SLC16A2: variants seen among roughly 807,000 people sequenced by gnomAD.
SLC16A2 encodes solute carrier family 16 member 2.
In SLC16A2, 3 loss-of-function variants were observed where a neutral mutation model predicts 27.2. That is an observed-to-expected ratio of 0.11 (90% CI 0.05 to 0.28). The LOEUF (loss-of-function observed/expected upper bound fraction) is 0.28, where lower values mean the gene tolerates loss of function less well. Among genes scored for constraint, SLC16A2 ranks in the 10% least tolerant of loss-of-function variants. SLC16A2 has a pLI of 1.00. For missense variants in SLC16A2, 295 were observed against 458.5 expected (o/e 0.64, Z 3.26); for synonymous variants, 202 against 187.8 (o/e 1.08, Z -0.62).
At chrX:74,426,704 T>C (rs1928407626) in intron 1 of SLC16A2, among the ~76,000 whole-genome samples, 1 of 112,609 alleles carries the variant, frequency 8.9e-6, no homozygotes, top group Admixed American at 9.4e-5. Context: ...AGCCCTACCA[T>C]TCTATCCTTC....
At chrX:74,529,020 G>GGACTTTGAATCCCTCAGTGCAA (rs1930526040) in intron 4 of SLC16A2, among the ~76,000 whole-genome samples, 193 bp from the exon 5 acceptor site, 1 of 111,845 alleles carries the variant, frequency 8.9e-6, no homozygotes, top group Non-Finnish European at 1.9e-5. Flanking sequence ...GGGCTTTCTT[G>GGACTTTGAATCCCTCAGTGCAA]GACTTTGAAT....
chrX:74,515,764 A>C (rs756780373), intron 1 of SLC16A2, among the ~76,000 whole-genome samples: 4 of 112,161 alleles, frequency 3.6e-5, no homozygotes, highest in Non-Finnish European at 7.5e-5. Flanking sequence ...TGGAGGGCAA[A>C]GTGCTGAAAT....
intron 1 of SLC16A2, among the ~76,000 whole-genome samples, chrX:74,454,116 T>G (rs1928995542): frequency 9.0e-6 from 1 of 111,510 alleles, no homozygotes; most frequent in African/African-American, 3.3e-5. Context: ...GAGACATAAT[T>G]CTACCACTGG....
At chrX:74,518,977 T>C (rs1370034378) in intron 1 of SLC16A2, among the ~76,000 whole-genome samples, 1 of 111,986 alleles carries the variant, frequency 8.9e-6, no homozygotes, top group African/African-American at 3.2e-5. Flanking sequence ...AATCTTTTCT[T>C]TTATGGATCA....
intron 1 of SLC16A2, among the ~76,000 whole-genome samples, chrX:74,451,740 T>G (rs1287395661): frequency 8.8e-6 from 1 of 113,133 alleles, no homozygotes; most frequent in Non-Finnish European, 1.9e-5. Context: ...TGTGCCTATT[T>G]GCATTGAAAT....
At chrX:74,433,126 C>CT (rs758027998) in intron 1 of SLC16A2, among the ~76,000 whole-genome samples, 3 of 111,782 alleles carry the variant, frequency 2.7e-5, no homozygotes, top group Non-Finnish European at 3.8e-5. Context: ...AATCCCAGCA[C>CT]TTTGAGAGGC....
At chrX:74,492,677 G>A (rs148684082) in intron 1 of SLC16A2, among the ~76,000 whole-genome samples, 1,151 of 111,097 alleles carry the variant, frequency 0.01, 15 homozygotes, top group African/African-American at 0.035. Context: ...GCTCTAATCA[G>A]CATCTTAATT....
chrX:74,469,586 A>G (rs1929314502), intron 1 of SLC16A2, among the ~76,000 whole-genome samples: 1 of 111,283 alleles, frequency 9.0e-6, no homozygotes, highest in Non-Finnish European at 1.9e-5. Context: ...GATATTAGGT[A>G]TCTTTTCATG....
chrX:74,521,678 C>CA (rs1298356397), intron 2 of SLC16A2, among the ~76,000 whole-genome samples: 1 of 112,167 alleles, frequency 8.9e-6, no homozygotes, highest in Non-Finnish European at 1.9e-5. Context: ...CAACTGAGCC[C>CA]AAGGATGTTT....
At chrX:74,481,023 G>A (rs182809613) in intron 1 of SLC16A2, among the ~76,000 whole-genome samples, 39 of 112,487 alleles carry the variant, frequency 3.5e-4, no homozygotes, top group African/African-American at 8.4e-4. Context: ...TTGAGATAGC[G>A]TATTACATTG....
In SLC16A2 at chrX:74,533,820, A is replaced by G. The variant is rs1289311207; in HGVS notation, c.*2267A>G. 8.9e-6 allele frequency: 1 copy of G among 112,850 alleles called. No homozygotes were observed. The highest frequency in any genetic ancestry group is 3.2e-5 in the African/African-American group (1 of 30,976). The allele number at this position is 112,850 out of a possible 1,213,427, so 9.3% of individuals were successfully genotyped here. ...AGTAGGATGCAGCCTCTTATGCACC[A>G]CAGTTAAATCTAGAACGAACAAAAT... On this transcript the variant is annotated 3_prime_UTR_variant, in exon 6 of 6. Transcript: ENST00000587091.
At chrX:74,486,312 T>C (rs1008499192) in intron 1 of SLC16A2, among the ~76,000 whole-genome samples, 3 of 112,128 alleles carry the variant, frequency 2.7e-5, no homozygotes, top group African/African-American at 6.5e-5. Flanking sequence ...TTTTCTTTAA[T>C]TCTATAGGAA....
At chrX:74,485,916 AAGCTC>A (rs1929709800) in intron 1 of SLC16A2, among the ~76,000 whole-genome samples, 1 of 110,633 alleles carries the variant, frequency 9.0e-6, no homozygotes, top group East Asian at 2.8e-4. Flanking sequence ...CAGCGAGTGA[AAGCTC>A]AGCTCGAGCC....
chrX:74,444,456 A>G (rs1928805376), intron 1 of SLC16A2, among the ~76,000 whole-genome samples: 1 of 110,641 alleles, frequency 9.0e-6, no homozygotes, highest in African/African-American at 3.3e-5. Flanking sequence ...TACCCTTGTT[A>G]TTTGTTACAG....
At chrX:74,427,526 C>A (rs925568353) in intron 1 of SLC16A2, among the ~76,000 whole-genome samples, 6 of 112,067 alleles carry the variant, frequency 5.4e-5, no homozygotes, top group Non-Finnish European at 1.1e-4. Flanking sequence ...AGCAGCTGGA[C>A]TGTCAACATT....
At chrX:74,466,640 A>G (rs904764012) in intron 1 of SLC16A2, among the ~76,000 whole-genome samples, 2 of 111,486 alleles carry the variant, frequency 1.8e-5, no homozygotes, top group African/African-American at 6.5e-5. Context: ...AACATTTTCG[A>G]TCTGCTGTTG....
At chrX:74,467,346 A>G in intron 1 of SLC16A2, among the ~76,000 whole-genome samples, 3 of 111,683 alleles carry the variant, frequency 2.7e-5, no homozygotes, top group African/African-American at 9.8e-5. Flanking sequence ...GGGGGCTTCT[A>G]AAACAAAGAG....
intron 1 of SLC16A2, among the ~76,000 whole-genome samples, chrX:74,439,477 A>ATT (rs58357634): frequency 0.013 from 1,014 of 78,525 alleles, 36 homozygotes; most frequent in African/African-American, 0.035. Flanking sequence ...GGCCCGGCTA[A>ATT]TTTTTTTTTT....
chrX:74,524,050 C>T (rs1453752616), intron 2 of SLC16A2, among the ~76,000 whole-genome samples: 12 of 111,803 alleles, frequency 1.1e-4, no homozygotes, highest in Non-Finnish European at 1.3e-4. Context: ...TCTGGCTTTC[C>T]TTTGAACAGT....
Sources: allele counts gnomAD v4.1 joint callset (sites outside exome capture counted in the v4.1 genomes callset), GRCh38; gene constraint gnomAD v4.1.1; transcripts MANE v1.5; gene names NCBI Gene and HGNC (gene_info 2026-07-23, HGNC 2026-07-21).